The following RAPGEF2 variants were observed in gnomAD, a reference collection of about 807,000 sequenced individuals.
RAPGEF2 encodes Rap guanine nucleotide exchange factor 2.
A neutral mutation model predicts 186.7 loss-of-function variants in RAPGEF2; 54 were observed. The observed-to-expected ratio is 0.29, with a 90% CI of 0.23 to 0.36. The LOEUF (loss-of-function observed/expected upper bound fraction) is 0.36, where lower values mean the gene tolerates loss of function less well. RAPGEF2 is among the 10% of genes least tolerant of loss of function. RAPGEF2 has a pLI of 1.00. For missense variants in RAPGEF2, 1,532 were observed against 2,045.0 expected, an observed-to-expected ratio of 0.75 and a Z score of 4.84; for synonymous variants, 712 against 705.9, an observed-to-expected ratio of 1.01 and a Z score of -0.14.
Position 159,331,794 on chromosome 4 carries a change from T to A in RAPGEF2, c.1740T>A (p.Gly580=). Residue 580 remains glycine (G), a synonymous_variant, in exon 15 of 30, where the codon GGT becomes GGA. Coordinates refer to ENST00000691494, the MANE Select transcript of RAPGEF2 (RefSeq NM_001394067.2). The part of the protein sequence containing the change: ...FGIFVDSVDS[G]SKATEAGLKR... ...TCTTTGTTGACAGTGTAGATTCAGG[T>A]AGCAAAGCAACTGAAGCAGGCTTGA... is the stretch of plus-strand genomic sequence containing the variant. The A allele has an allele frequency of 6.2e-7, 1 of 1,614,064 alleles. No individual in the cohort carries two copies. The highest frequency in any genetic ancestry group is 1.1e-5 in the South Asian group (1 of 91,076).
chr4:159,324,434 TA>T lies in RAPGEF2; in HGVS notation c.1149+825del, dbSNP rs894426243. ...AACTGCACGTAACTATGTGTTCGAC[TA>T]AAAAAAAGTGTTATGTAAGGATGGT... On this transcript the variant is annotated intron_variant, in intron 11 of 29. Coordinates refer to ENST00000691494, the MANE Select transcript of RAPGEF2 (RefSeq NM_001394067.2). Among the ~76,000 whole-genome samples the T allele has an allele frequency of 2.6e-5, 4 of 152,024 alleles. No individual in the cohort carries two copies. In the East Asian group the frequency reaches 5.8e-4, roughly 22 times the overall value.
rs147029612 is a variant in RAPGEF2, at chr4:159,262,973, G to A, written c.543+19182G>A. Among the ~76,000 whole-genome samples, 34 of 152,218 alleles carry A rather than the reference G, an allele frequency of 2.2e-4. No individual in the cohort carries two copies. In the East Asian group the frequency reaches 6.0e-3, roughly 27 times the overall value. ...AGACTGTATTTAGATTCACTTAGAT[G>A]TTTAGTTAGCATTTCCTATGTGTCA... On this transcript the variant is annotated intron_variant, in intron 7 of 29. Transcript: ENST00000691494.
intron 1 of RAPGEF2, among the ~76,000 whole-genome samples, chr4:159,181,893 A>G (rs1022470359): frequency 6.6e-6 from 1 of 152,198 alleles, no homozygotes; most frequent in Non-Finnish European, 1.5e-5. Flanking sequence ...ACAAATTCAT[A>G]TTTAAACAAG....
In RAPGEF2 at chr4:159,104,045, CTGATTAGT is replaced by C; in HGVS notation, c.-117_-110del. ...CCGCGCCGCCGCCGCCGCGGTTTGG[CTGATTAGT>C]CGCGGGCGGGCGGGCGGGCGCAGCG... On this transcript the variant is annotated 5_prime_UTR_variant, in exon 1 of 30. Coordinates refer to ENST00000691494, the MANE Select transcript of RAPGEF2 (RefSeq NM_001394067.2). 2.4e-6 allele frequency: 1 copy of C among 421,870 alleles called. No individual in the cohort carries two copies. Among genetic ancestry groups the C allele is most frequent in the Non-Finnish European group, 3.3e-6 (1 of 306,742 alleles). The allele number at this position is 421,870 out of a possible 1,614,324, so 26.1% of individuals were successfully genotyped here. A position where few individuals can be genotyped will look rare whatever the true frequency, so the allele number is the denominator to read the frequency against.
chr4:159,330,183 G>A, intron 12 of RAPGEF2, 151 bp from the exon 13 acceptor site: 1 of 794,716 alleles, frequency 1.3e-6, no homozygotes, highest in East Asian at 2.7e-5. Context: ...TGTTAACTGT[G>A]TTACTATCCA....
At chr4:159,174,707 TGA>T (rs1247004727) in intron 1 of RAPGEF2, among the ~76,000 whole-genome samples, 1 of 152,084 alleles carries the variant, frequency 6.6e-6, no homozygotes, top group Non-Finnish European at 1.5e-5. Flanking sequence ...GGGAATGACT[TGA>T]GTCTTTATAA....
intron 7 of RAPGEF2, among the ~76,000 whole-genome samples, chr4:159,281,684 AAAAAAAG>A (rs1366109696): frequency 7.0e-6 from 1 of 143,356 alleles, no homozygotes; most frequent in African/African-American, 2.8e-5. Flanking sequence ...AAAAAAAAAA[AAAAAAAG>A]AAAAGGAAAA....
At chr4:159,170,361 A>G (rs1402727966) in intron 1 of RAPGEF2, among the ~76,000 whole-genome samples, 2 of 152,164 alleles carry the variant, frequency 1.3e-5, no homozygotes, top group Non-Finnish European at 1.5e-5. Context: ...CTCAGGTTGC[A>G]CCTGCAGATT....
intron 1 of RAPGEF2, among the ~76,000 whole-genome samples, chr4:159,131,474 A>C (rs144921686): frequency 2.9e-3 from 429 of 149,564 alleles, no homozygotes; most frequent in Middle Eastern, 7.0e-3. Flanking sequence ...TACTATGTTA[A>C]AGACTTAAAT....
chr4:159,234,910 C>T (rs1753066384), intron 4 of RAPGEF2, among the ~76,000 whole-genome samples: 1 of 152,260 alleles, frequency 6.6e-6, no homozygotes, highest in African/African-American at 2.4e-5. Flanking sequence ...CAGGTGCCTG[C>T]CATCATGCCT....
At chr4:159,253,637 A>G (rs1755753323) in intron 7 of RAPGEF2, among the ~76,000 whole-genome samples, 1 of 151,820 alleles carries the variant, frequency 6.6e-6, no homozygotes, top group East Asian at 1.9e-4. Flanking sequence ...CCGAATAACC[A>G]TAGTTTTTTT....
chr4:159,274,883 C>A (rs1002202966), intron 7 of RAPGEF2, among the ~76,000 whole-genome samples: 2 of 152,236 alleles, frequency 1.3e-5, no homozygotes, highest in African/African-American at 4.8e-5. Flanking sequence ...TTGCATCATA[C>A]AAGAAGTTCC....
At chr4:159,313,681 T>C (rs747925648) in intron 8 of RAPGEF2, among the ~76,000 whole-genome samples, 7 of 152,322 alleles carry the variant, frequency 4.6e-5, no homozygotes, top group Non-Finnish European at 7.4e-5. Flanking sequence ...GTTTTCAAGA[T>C]TTTAATATTT....
At chr4:159,327,295 T>C (rs1766054332) in intron 11 of RAPGEF2, 1 of 152,236 alleles carries the variant, frequency 6.6e-6, no homozygotes, top group Non-Finnish European at 1.5e-5. Context: ...ACTGAGATCA[T>C]ATAGTACTTT....
intron 1 of RAPGEF2, among the ~76,000 whole-genome samples, chr4:159,125,038 T>G (rs1022810624): frequency 1.3e-5 from 2 of 152,064 alleles, no homozygotes; most frequent in Non-Finnish European, 2.9e-5. Context: ...TTTTTCTATT[T>G]TTTTTTTTTA....
At chr4:159,140,454 GT>G (rs1742188883) in intron 1 of RAPGEF2, among the ~76,000 whole-genome samples, 1 of 152,118 alleles carries the variant, frequency 6.6e-6, no homozygotes, top group Non-Finnish European at 1.5e-5. Context: ...TGATATTACT[GT>G]TTCTTAAAAG....
At chr4:159,346,566 A>G (rs1417071615) in intron 24 of RAPGEF2, among the ~76,000 whole-genome samples, 1 of 152,158 alleles carries the variant, frequency 6.6e-6, no homozygotes, top group African/African-American at 2.4e-5. Context: ...GAGATTGCTG[A>G]CTTCATAAAG....
chr4:159,140,006 C>A (rs13139246), intron 1 of RAPGEF2, among the ~76,000 whole-genome samples: 1 of 152,058 alleles, frequency 6.6e-6, no homozygotes, highest in South Asian at 2.1e-4. Flanking sequence ...ATTATGAGTA[C>A]CTTTTCAAGA....
intron 7 of RAPGEF2, among the ~76,000 whole-genome samples, chr4:159,289,072 A>G (rs1202331945): frequency 6.6e-6 from 1 of 151,924 alleles, no homozygotes; most frequent in Non-Finnish European, 1.5e-5. Context: ...AAAATTTTTT[A>G]TTGTTACATA....
Sources: gnomAD v4.1 joint callset for allele counts (sites outside exome capture counted in the v4.1 genomes callset) on GRCh38, gnomAD v4.1.1 for gene constraint, MANE v1.5 for transcripts, NCBI Gene and HGNC (gene_info 2026-07-23, HGNC 2026-07-21) for gene names.